The following THY1 variants were observed in gnomAD, a reference collection of about 807,000 sequenced individuals.
THY1 encodes thy-1 membrane glycoprotein.
THY1 carries 10 observed loss-of-function variants against 14.9 expected under a neutral mutation model. That is an observed-to-expected ratio of 0.67 (90% CI 0.41 to 1.14). The LOEUF is 1.14. Ranked by LOEUF, THY1 falls within the 50% of genes most tolerant of loss-of-function variation. The probability of loss-of-function intolerance (pLI) is 0.00; values close to 1 mark genes in which losing one functional copy is unlikely to be tolerated. For missense variants in THY1, 159 were observed against 202.1 expected (o/e 0.79, Z 1.29); for synonymous variants, 80 against 90.0 (o/e 0.89, Z 0.63).
Position 119,416,195 on chromosome 11 carries a change from G to A in THY1, c.*3213C>T, listed in dbSNP as rs1373786701. Among the ~76,000 whole-genome samples, 1 of 152,198 alleles carries A rather than the reference G, an allele frequency of 6.6e-6. No homozygotes were observed. The highest frequency in any genetic ancestry group is 1.5e-5 in the Non-Finnish European group (1 of 68,030). ...GAGGGGCTTCTGTTGCTCTTGAGCG[G>A]GAATTCCACGGCCCTAGGTATGGAC... On this transcript the variant is annotated 3_prime_UTR_variant, in exon 4 of 4. Coordinates refer to ENST00000284240, the MANE Select transcript of THY1 (RefSeq NM_006288.5).
intron 1 of THY1, chr11:119,421,179 G>A (rs1861892797): frequency 2.5e-6 from 1 of 403,616 alleles, no homozygotes; most frequent in African/African-American, 2.0e-5. Context: ...GCACTTACTA[G>A]CTGGGTGACT....
In THY1 at chr11:119,418,874, A is replaced by G. The variant is rs1861834022; in HGVS notation, c.*534T>C. 5.9e-6 allele frequency: 1 copy of G among 168,918 alleles called. No homozygotes were observed. The highest frequency in any genetic ancestry group is 1.6e-4 in the South Asian group (1 of 6,384). 10.5% of individuals were successfully genotyped at this position (168,918 alleles called of 1,614,324 possible). On this transcript the variant is annotated 3_prime_UTR_variant, in exon 4 of 4. Transcript: ENST00000284240. ...AGTTCTCTCCCTCACAAGGTAGGCC[A>G]CAAATTCTTGGTGGTGCCCTCACAT... is the stretch of plus-strand genomic sequence containing the variant.
chr11:119,423,204 G>A (rs765642603), upstream of THY1: 2 of 454,616 alleles, frequency 4.4e-6, no homozygotes, highest in African/African-American at 2.0e-5. Flanking sequence ...GTTTTCACCG[G>A]GGATGGAGGA....
chr11:119,424,180 G>A (rs543668459), upstream of THY1: 2 of 152,418 alleles, frequency 1.3e-5, no homozygotes, highest in African/African-American at 4.8e-5. Flanking sequence ...GCACAAAAAG[G>A]ACTGAGTCGA....
chr11:119,423,051 G>C (rs1861942065), intron 1 of THY1, 62 bp downstream of exon 1: 1 of 456,056 alleles, frequency 2.2e-6, no homozygotes, highest in Admixed American at 2.3e-5. Flanking sequence ...GTGTTGGGAA[G>C]TCTTGCATGG....
Position 119,422,903 on chromosome 11 carries a change from C to T in THY1, c.-25+210G>A, listed in dbSNP as rs1174297678. ...GCGGGCGAAAGCCCGGGAGCGCCTT[C>T]CCCGAAAGACATCAGGGTGCCACGC... On this transcript the variant is annotated intron_variant, in intron 1 of 3. Transcript: ENST00000284240. The surrounding 1 kb of genome is among the most constrained non-coding windows in gnomAD (Gnocchi z 7.0). Among the ~76,000 whole-genome samples the T allele has an allele frequency of 2.0e-5, 3 of 152,262 alleles. No individual in the cohort carries two copies. Among genetic ancestry groups the T allele is most frequent in the African/African-American group, 7.2e-5 (3 of 41,476 alleles).
intron 1 of THY1, chr11:119,421,786 G>T (rs917542086): frequency 6.6e-6 from 1 of 152,236 alleles, no homozygotes; most frequent in Non-Finnish European, 1.5e-5. Context: ...TAGGACACAA[G>T]CTAATCGTGT....
chr11:119,420,259 G>A lies in THY1; in HGVS notation c.165C>T (p.Thr55=). The change falls in exon 3 of 4, where the codon ACC becomes ACT. Residue 55 remains threonine, a synonymous_variant. Coordinates refer to ENST00000284240, the MANE Select transcript of THY1 (RefSeq NM_006288.5). ...SSPIQYEFSL[T]RETKKHVLFG... ...AGAGCACGTGCTTCTTTGTCTCACGGGTCAGGCTGAACTCGTACTGGATGG... is the reference window on the plus strand; with the variant it reads ...AGAGCACGTGCTTCTTTGTCTCACGAGTCAGGCTGAACTCGTACTGGATGG... The A allele has an allele frequency of 6.2e-7, 1 of 1,614,266 alleles. No homozygotes were observed. The highest frequency in any genetic ancestry group is 8.5e-7 in the Non-Finnish European group (1 of 1,180,044).
Position 119,417,193 on chromosome 11 carries a change from G to A in THY1, c.*2215C>T, listed in dbSNP as rs1298113611. On this transcript the variant is annotated 3_prime_UTR_variant, in exon 4 of 4. Coordinates refer to ENST00000284240, the MANE Select transcript of THY1 (RefSeq NM_006288.5). Reference sequence around the variant, plus strand: ...CAGCCCAAGCAGGGCTGAAGGAGAGGGGCCTGAGTCTCAGGGGTGTTCCTC... The same window carrying A: ...CAGCCCAAGCAGGGCTGAAGGAGAGAGGCCTGAGTCTCAGGGGTGTTCCTC... Among the ~76,000 whole-genome samples the A allele has an allele frequency of 6.6e-6, 1 of 152,208 alleles. No homozygotes were observed. Among genetic ancestry groups the A allele is most frequent in the Non-Finnish European group, 1.5e-5 (1 of 68,038 alleles).
Position 119,416,511 on chromosome 11 carries a change from A to G in THY1, c.*2897T>C, listed in dbSNP as rs1221482856. On this transcript the variant is annotated 3_prime_UTR_variant, in exon 4 of 4. Transcript: ENST00000284240. ...TTTTTTTGAGATGGAGTCTCACTCT[A>G]TCTCCCAGGCTGGAGTGCAGTGGTG... Among the ~76,000 whole-genome samples the G allele has an allele frequency of 2.0e-5, 3 of 151,974 alleles. No homozygotes were observed. Among genetic ancestry groups the G allele is most frequent in the Admixed American group, 1.3e-4 (2 of 15,266 alleles).
chr11:119,422,597 G>T lies in THY1; in HGVS notation c.-25+516C>A. 1 of 176,158 alleles carries T rather than the reference G, an allele frequency of 5.7e-6. No individual in the cohort carries two copies. Among genetic ancestry groups the T allele is most frequent in the Admixed American group, 5.9e-5 (1 of 16,832 alleles). 10.9% of individuals were successfully genotyped at this position (176,158 alleles called of 1,614,324 possible). On this transcript the variant is annotated intron_variant, in intron 1 of 3. Transcript: ENST00000284240. This position sits in a 1 kb window ranked among gnomAD's most constrained non-coding sequence, Gnocchi z 7.0. ...CTTCCCCCTCTCTCATCCTTTTCCAGCTCTCCCCTCCCCCGTCCGCCCGCC... is the reference window on the plus strand; with the variant it reads ...CTTCCCCCTCTCTCATCCTTTTCCATCTCTCCCCTCCCCCGTCCGCCCGCC...
chr11:119,419,963 C>T, intron 3 of THY1, 88 bp downstream of exon 3: 2 of 1,377,756 alleles, frequency 1.5e-6, no homozygotes, highest in Non-Finnish European at 2.0e-6. Context: ...TGGGGCTATT[C>T]TCCTCTCTAG....
intron 1 of THY1, chr11:119,421,947 GTT>G (rs1006708342): frequency 6.6e-6 from 1 of 152,164 alleles, no homozygotes; most frequent in Non-Finnish European, 1.5e-5. Flanking sequence ...GTCTTTTTTT[GTT>G]TTTTGCAGCC....
At position 119,417,296 on chromosome 11, in the gene THY1, C is replaced by T. The variant is rs1861797240; in HGVS notation, c.*2112G>A. The T allele has an allele frequency of 6.6e-6, 1 of 152,482 alleles. No individual in the cohort carries two copies. The highest frequency in any genetic ancestry group is 1.9e-4 in the East Asian group (1 of 5,182). 9.4% of individuals were successfully genotyped at this position (152,482 alleles called of 1,614,324 possible). ...CAACCTGGGACAAGGACAGCTCCTC[C>T]TCCTCTGTGTATGGTAACTACAGGG... On this transcript the variant is annotated 3_prime_UTR_variant, in exon 4 of 4. Transcript: ENST00000284240.
In THY1 at chr11:119,422,047, A is replaced by C. The variant is rs1460928511; in HGVS notation, c.-25+1066T>G. 6.6e-6 allele frequency: 1 copy of C among 152,316 alleles called. No individual in the cohort carries two copies. Among genetic ancestry groups the C allele is most frequent in the African/African-American group, 2.4e-5 (1 of 41,468 alleles). 9.4% of individuals were successfully genotyped at this position (152,316 alleles called of 1,614,324 possible). A position where few individuals can be genotyped will look rare whatever the true frequency, so the allele number is the denominator to read the frequency against. Reference sequence around the variant, plus strand: ...GTGCTCGCCCAGGAGAGGCCACAGAAGGGGCGTGCACCCGCGAGAGCGCGC... The same window carrying C: ...GTGCTCGCCCAGGAGAGGCCACAGACGGGGCGTGCACCCGCGAGAGCGCGC... On this transcript the variant is annotated intron_variant, in intron 1 of 3. Transcript: ENST00000284240. The surrounding 1 kb of genome is among the most constrained non-coding windows in gnomAD (Gnocchi z 7.0).
chr11:119,423,186 A>G (rs1861947487), upstream of THY1: 1 of 452,560 alleles, frequency 2.2e-6, no homozygotes, highest in Non-Finnish European at 4.4e-6. Flanking sequence ...CCCAGCTCGG[A>G]GCCCGCAGTT....
chr11:119,419,718 T>C, intron 3 of THY1, 198 bp from the exon 4 acceptor site: 1 of 609,544 alleles, frequency 1.6e-6, no homozygotes, highest in Non-Finnish European at 3.0e-6. Context: ...TGCACACATA[T>C]CATCTTATGA....
rs772027174 is a variant in THY1 at position 119,415,491 on chromosome 11, G to T, written c.*3917C>A. Among the ~76,000 whole-genome samples, 2 of 152,142 alleles carry T rather than the reference G, an allele frequency of 1.3e-5. No individual in the cohort carries two copies. Among genetic ancestry groups the T allele is most frequent in the African/African-American group, 2.4e-5 (1 of 41,440 alleles). ...CTAGTCCATGTTCTCACCAAATTCAGGAAACTGCTTTATTGCAAACTTGAC... is the reference window on the plus strand; with the variant it reads ...CTAGTCCATGTTCTCACCAAATTCATGAAACTGCTTTATTGCAAACTTGAC... On this transcript the variant is annotated 3_prime_UTR_variant, in exon 4 of 4. Coordinates refer to ENST00000284240, the MANE Select transcript of THY1 (RefSeq NM_006288.5).
upstream of THY1, chr11:119,423,217 G>T (rs1012976586): frequency 1.3e-5 from 6 of 452,728 alleles, no homozygotes; most frequent in Admixed American, 9.4e-5. Context: ...ATGGAGGAGA[G>T]GGGGAGCGGG....
Sources: allele counts gnomAD v4.1 joint callset (sites outside exome capture counted in the v4.1 genomes callset), GRCh38; gene constraint gnomAD v4.1.1; non-coding constraint Gnocchi (gnomAD v3.1); transcripts MANE v1.5; gene names NCBI Gene and HGNC (gene_info 2026-07-23, HGNC 2026-07-21).